Variants in PABPC4L observed in about 807,000 individuals in gnomAD.
The protein encoded by PABPC4L is poly(A) binding protein cytoplasmic 4 like.
For synonymous variants in PABPC4L, 169 were observed against 164.1 expected, an observed-to-expected ratio of 1.03 and a Z score of -0.23; for missense variants, 452 against 451.4, an observed-to-expected ratio of 1.00 and a Z score of -0.01.
the PABPC4L span, among the ~76,000 whole-genome samples, chr4:133,995,793 A>T: frequency 6.6e-6 from 1 of 152,108 alleles, no homozygotes; most frequent in African/African-American, 2.4e-5. Flanking sequence ...CACACAACTC[A>T]TTATATTCTG....
the PABPC4L span, among the ~76,000 whole-genome samples, chr4:134,037,237 G>A: frequency 1.3e-5 from 2 of 151,902 alleles, no homozygotes; most frequent in Non-Finnish European, 2.9e-5. Flanking sequence ...GCTTTGGGAG[G>A]TATGGTCATT....
chr4:134,028,337 G>A, the PABPC4L span, among the ~76,000 whole-genome samples: 1 of 152,022 alleles, frequency 6.6e-6, no homozygotes, highest in Non-Finnish European at 1.5e-5. Flanking sequence ...TCTGTGCACT[G>A]CCAGCGTTTC....
chr4:134,001,080 C>T, the PABPC4L span, among the ~76,000 whole-genome samples: 7 of 151,930 alleles, frequency 4.6e-5, 1 homozygote, highest in Non-Finnish European at 8.8e-5. Flanking sequence ...GGTTACGTAA[C>T]GTTTTCAACA....
At chr4:133,958,489 T>G in the PABPC4L span, among the ~76,000 whole-genome samples, 7 of 152,322 alleles carry the variant, frequency 4.6e-5, no homozygotes, top group African/African-American at 1.7e-4. Context: ...TACTTCTACA[T>G]TTTGGGGTAT....
the PABPC4L span, among the ~76,000 whole-genome samples, chr4:134,129,032 A>G: frequency 6.6e-6 from 1 of 152,146 alleles, no homozygotes; most frequent in South Asian, 2.1e-4. Context: ...CTATTCTTAT[A>G]TCAGACAAAA....
the PABPC4L span, among the ~76,000 whole-genome samples, chr4:133,963,619 A>C: frequency 6.6e-6 from 1 of 152,170 alleles, no homozygotes; most frequent in Admixed American, 6.5e-5. Context: ...GAATTTAAGA[A>C]AACTGAAATT....
chr4:134,027,815 T>C, the PABPC4L span, among the ~76,000 whole-genome samples: 3 of 152,174 alleles, frequency 2.0e-5, no homozygotes, highest in African/African-American at 7.2e-5. Flanking sequence ...GAAAGCCACA[T>C]TGAATGTCCT....
chr4:133,966,286 G>T, the PABPC4L span, among the ~76,000 whole-genome samples: 3 of 152,136 alleles, frequency 2.0e-5, no homozygotes, highest in Admixed American at 1.3e-4. Flanking sequence ...TGTAACAATG[G>T]CCATAATAAA....
chr4:134,124,441 A>G, the PABPC4L span, among the ~76,000 whole-genome samples: 64 of 152,230 alleles, frequency 4.2e-4, no homozygotes, highest in East Asian at 0.011. Context: ...CTTATAAACA[A>G]TATATAACAC....
the PABPC4L span, among the ~76,000 whole-genome samples, chr4:134,183,485 T>TA: frequency 8.8e-3 from 1,239 of 141,260 alleles, 12 homozygotes; most frequent in African/African-American, 0.026. Flanking sequence ...AGGAAGAGGG[T>TA]AAAAAAAAAA....
At chr4:133,980,379 G>A in the PABPC4L span, among the ~76,000 whole-genome samples, 1 of 152,158 alleles carries the variant, frequency 6.6e-6, no homozygotes, top group Non-Finnish European at 1.5e-5. Flanking sequence ...CCCTTGGAAA[G>A]ATGTGGTCTT....
At chr4:133,958,163 C>T in the PABPC4L span, among the ~76,000 whole-genome samples, 3 of 152,244 alleles carry the variant, frequency 2.0e-5, no homozygotes, top group Non-Finnish European at 2.9e-5. Context: ...GCTCTGCTTC[C>T]CTTCTAAACA....
At chr4:134,134,732 GTATT>G in the PABPC4L span, among the ~76,000 whole-genome samples, 1 of 149,398 alleles carries the variant, frequency 6.7e-6, no homozygotes. Flanking sequence ...AATATATTAT[GTATT>G]TAAACATATC....
chr4:134,139,676 C>A, the PABPC4L span, among the ~76,000 whole-genome samples: 1 of 146,940 alleles, frequency 6.8e-6, no homozygotes, highest in Non-Finnish European at 1.5e-5. Context: ...ATTGGCTTAA[C>A]ATTCATTCTT....
At chr4:134,014,252 T>A in the PABPC4L span, among the ~76,000 whole-genome samples, 9 of 152,288 alleles carry the variant, frequency 5.9e-5, no homozygotes, top group East Asian at 1.5e-3. Flanking sequence ...CAGGACTTAA[T>A]TAACCTCACC....
At chr4:133,954,649 T>C in the PABPC4L span, among the ~76,000 whole-genome samples, 2 of 152,132 alleles carry the variant, frequency 1.3e-5, no homozygotes, top group Non-Finnish European at 2.9e-5. Flanking sequence ...TTGTTTCCCA[T>C]TTTTGGTTAG....
the PABPC4L span, among the ~76,000 whole-genome samples, chr4:134,091,605 T>A: frequency 6.6e-6 from 1 of 151,952 alleles, no homozygotes; most frequent in East Asian, 1.9e-4. Context: ...TTCCTCTAAG[T>A]AAGATGCTGT....
the PABPC4L span, among the ~76,000 whole-genome samples, chr4:134,084,755 A>G: frequency 6.6e-6 from 1 of 151,858 alleles, no homozygotes; most frequent in Non-Finnish European, 1.5e-5. Context: ...TTTTCAACAC[A>G]TTTTTTTTGT....
At chr4:134,139,315 C>T in the PABPC4L span, among the ~76,000 whole-genome samples, 1 of 151,848 alleles carries the variant, frequency 6.6e-6, no homozygotes, top group African/African-American at 2.4e-5. Context: ...CAGGAGAAAT[C>T]AAGTAAATAT....
Sources: allele counts gnomAD v4.1 joint callset (sites outside exome capture counted in the v4.1 genomes callset), GRCh38; gene constraint gnomAD v4.1.1; transcripts MANE v1.5; gene names NCBI Gene and HGNC (gene_info 2026-07-23, HGNC 2026-07-21).